Variants in KLHL3 observed in about 807,000 individuals in gnomAD.
The protein encoded by KLHL3 is kelch-like protein 3.
In KLHL3, 19 loss-of-function variants were observed where a neutral mutation model predicts 70.5. The observed-to-expected ratio is 0.27, with a 90% CI of 0.19 to 0.40. The LOEUF (loss-of-function observed/expected upper bound fraction) is 0.40. KLHL3 is among the 10% of genes least tolerant of loss of function. The pLI, the probability that KLHL3 is intolerant of heterozygous loss-of-function variation, is 1.00. For missense variants in KLHL3, 512 were observed against 771.1 expected, an observed-to-expected ratio of 0.66 and a Z score of 3.98; for synonymous variants, 258 against 290.3, an observed-to-expected ratio of 0.89 and a Z score of 1.13.
chr5:137,638,531 C>A (rs1372396347), intron 10 of KLHL3, among the ~76,000 whole-genome samples: 1 of 152,122 alleles, frequency 6.6e-6, no homozygotes, highest in African/African-American at 2.4e-5. Context: ...GTAGAAAGGG[C>A]AACAGAAAAA....
At chr5:137,628,624 A>C in intron 12 of KLHL3, 187 bp from the exon 13 acceptor site, 1 of 527,578 alleles carries the variant, frequency 1.9e-6, no homozygotes, top group Non-Finnish European at 3.3e-6. Flanking sequence ...CCTCCTCATA[A>C]GACTAGCAAC....
In KLHL3 at chr5:137,621,623, T is replaced by G. The variant is rs1205384314; in HGVS notation, c.*475A>C. On this transcript the variant is annotated 3_prime_UTR_variant, in exon 15 of 15. Transcript: ENST00000309755. ...CTGGACCTTCAGAAGAAAGCAGCTTTAGTAGTCTCAGGGTCCCCATGGGAC... is the reference window on the plus strand; with the variant it reads ...CTGGACCTTCAGAAGAAAGCAGCTTGAGTAGTCTCAGGGTCCCCATGGGAC... 1 of 157,472 alleles carries G rather than the reference T, an allele frequency of 6.4e-6. No homozygotes were observed. Among genetic ancestry groups the G allele is most frequent in the Non-Finnish European group, 1.4e-5 (1 of 71,104 alleles). 9.8% of individuals were successfully genotyped at this position (157,472 alleles called of 1,614,324 possible).
rs1473865502 is a variant in KLHL3 at position 137,637,191 on chromosome 5, A to AG, written c.1321+102dup. 146 of 887,512 alleles carry AG rather than the reference A, an allele frequency of 1.6e-4. No individual in the cohort carries two copies. The East Asian group carries it at 2.9e-3, about 17-fold the overall frequency. 55.0% of individuals were successfully genotyped at this position (887,512 alleles called of 1,614,324 possible). The stretch of plus-strand genomic sequence containing the variant: ...GTACCTAACCCAGAGGAGTGATCTC[A>AG]GGAAAAAAAACACGGTAGAGGAAGC... On this transcript the variant is annotated intron_variant, in intron 11 of 14. Transcript: ENST00000309755.
intron 1 of KLHL3, among the ~76,000 whole-genome samples, chr5:137,728,815 T>C (rs563895088): frequency 3.9e-4 from 59 of 151,946 alleles, no homozygotes; most frequent in African/African-American, 1.4e-3. Context: ...CAACAGACAC[T>C]AGGGCCTACT....
chr5:137,633,931 A>G (rs1750704618), intron 12 of KLHL3, 106 bp downstream of exon 12: 4 of 1,434,818 alleles, frequency 2.8e-6, no homozygotes, highest in Non-Finnish European at 2.9e-6. Context: ...ATATCCATGT[A>G]ACAAACCTGC....
At chr5:137,714,267 A>G (rs989109502) in intron 2 of KLHL3, among the ~76,000 whole-genome samples, 3 of 152,108 alleles carry the variant, frequency 2.0e-5, no homozygotes, top group African/African-American at 7.2e-5. Flanking sequence ...CTGCTCTGAA[A>G]ACAGTTTGGC....
At chr5:137,732,199 T>C (rs1463413845) in intron 1 of KLHL3, among the ~76,000 whole-genome samples, 1 of 152,258 alleles carries the variant, frequency 6.6e-6, no homozygotes, top group South Asian at 2.1e-4. Context: ...CAATTTATCA[T>C]TGTAATAGCT....
rs1344288389 is a variant in KLHL3 at position 137,639,539 on chromosome 5, CA to C, written c.1021+320del. Among the ~76,000 whole-genome samples, 16 of 151,722 alleles carry C rather than the reference CA, an allele frequency of 1.1e-4. No individual in the cohort carries two copies. The highest frequency in any genetic ancestry group is 3.9e-4 in the African/African-American group (16 of 41,318). Reference sequence around the variant, plus strand: ...GTGAAACCCGTCTCTACTAAAAATGCAAAAATTAGCTGGGCATGGTGGTGCA... The same window carrying C: ...GTGAAACCCGTCTCTACTAAAAATGCAAAATTAGCTGGGCATGGTGGTGCA... On this transcript the variant is annotated intron_variant, in intron 9 of 14. Transcript: ENST00000309755. This position sits in a 1 kb window ranked among gnomAD's most constrained non-coding sequence, Gnocchi z 5.0.
intron 3 of KLHL3, among the ~76,000 whole-genome samples, chr5:137,701,346 C>A (rs899190337): frequency 1.1e-4 from 16 of 152,132 alleles, no homozygotes; most frequent in African/African-American, 3.6e-4. Flanking sequence ...CCGTGCCCGG[C>A]CAAAATTGGC....
intron 12 of KLHL3, among the ~76,000 whole-genome samples, chr5:137,631,015 G>T (rs1317787859): frequency 6.8e-6 from 1 of 146,066 alleles, no homozygotes; most frequent in East Asian, 2.0e-4. Flanking sequence ...TGATGAGGAA[G>T]TGGTCATATG....
chr5:137,703,374 G>A (rs986058923), intron 3 of KLHL3, among the ~76,000 whole-genome samples: 3 of 152,112 alleles, frequency 2.0e-5, no homozygotes, highest in African/African-American at 7.2e-5. Context: ...CCTAAAATCT[G>A]GGCTGCCAAC....
intron 7 of KLHL3, among the ~76,000 whole-genome samples, chr5:137,660,223 A>C (rs1251919320): frequency 6.6e-6 from 1 of 152,188 alleles, no homozygotes; most frequent in African/African-American, 2.4e-5. Context: ...CTGCTTTGGC[A>C]TAATAACCCA....
chr5:137,647,274 G>T (rs1206059931), intron 8 of KLHL3, among the ~76,000 whole-genome samples: 2 of 152,112 alleles, frequency 1.3e-5, no homozygotes, highest in African/African-American at 4.8e-5. Flanking sequence ...TTCTACCAGC[G>T]TGACTGTGGG....
At chr5:137,631,710 G>A (rs1750640570) in intron 12 of KLHL3, among the ~76,000 whole-genome samples, 1 of 152,216 alleles carries the variant, frequency 6.6e-6, no homozygotes, top group Admixed American at 6.5e-5. Context: ...CTGCAGTGAG[G>A]ATTAAATGGA....
In KLHL3 at chr5:137,677,668, A is replaced by G. The variant is rs1179518820; in HGVS notation, c.527-14T>C. ...GAAAGTGCTGCTCTGTTCCAAAAAAAAAAAAAAGAAGTTAAGAAAACAAAG... is the reference window on the plus strand; with the variant it reads ...GAAAGTGCTGCTCTGTTCCAAAAAAGAAAAAAAGAAGTTAAGAAAACAAAG... On this transcript the variant is annotated splice_polypyrimidine_tract_variant and intron_variant, in intron 5 of 14. Coordinates refer to ENST00000309755, the MANE Select transcript of KLHL3 (RefSeq NM_017415.3). The G allele has an allele frequency of 1.3e-6, 2 of 1,516,964 alleles. No individual in the cohort carries two copies. Among genetic ancestry groups the G allele is most frequent in the African/African-American group, 1.4e-5 (1 of 70,484 alleles). The allele number at this position is 1,516,964 out of a possible 1,614,324, so 94.0% of individuals were successfully genotyped here.
chr5:137,671,405 A>C (rs1325382612), intron 6 of KLHL3, among the ~76,000 whole-genome samples: 2 of 152,132 alleles, frequency 1.3e-5, no homozygotes, highest in Non-Finnish European at 2.9e-5. Context: ...GCCACGTACT[A>C]TGGACACATG....
chr5:137,630,559 C>G (rs11949969), intron 12 of KLHL3, among the ~76,000 whole-genome samples: 54,220 of 152,072 alleles, frequency 0.36, 10,462 homozygotes, highest in East Asian at 0.61. Flanking sequence ...CTCACCCTTA[C>G]GTCACAACAG....
chr5:137,689,862 C>T (rs1752273574), intron 5 of KLHL3, among the ~76,000 whole-genome samples: 1 of 152,176 alleles, frequency 6.6e-6, no homozygotes, highest in African/African-American at 2.4e-5. Flanking sequence ...CTCCCCAAAC[C>T]TCAGACAACT....
chr5:137,644,242 G>A (rs929435136), intron 8 of KLHL3, among the ~76,000 whole-genome samples: 9 of 151,988 alleles, frequency 5.9e-5, no homozygotes, highest in African/African-American at 1.9e-4. Flanking sequence ...CTAATTTTTT[G>A]TATTTTTAAT....
Sources: allele counts gnomAD v4.1 joint callset (sites outside exome capture counted in the v4.1 genomes callset), GRCh38; gene constraint gnomAD v4.1.1; non-coding constraint Gnocchi (gnomAD v3.1); transcripts MANE v1.5; gene names NCBI Gene and HGNC (gene_info 2026-07-23, HGNC 2026-07-21).